KANSL1L: variants seen among roughly 807,000 people sequenced by gnomAD.
KANSL1L encodes the protein KAT8 regulatory NSL complex subunit 1-like protein.
A neutral mutation model predicts 108.6 loss-of-function variants in KANSL1L; 25 were observed. The ratio of observed to expected loss-of-function variants is 0.23; its 90% CI spans 0.17 to 0.32. The LOEUF (loss-of-function observed/expected upper bound fraction) is 0.32, where lower values mean the gene tolerates loss of function less well. KANSL1L is among the 10% of genes least tolerant of loss of function. The probability of loss-of-function intolerance (pLI) is 1.00; values close to 1 mark genes in which losing one functional copy is unlikely to be tolerated. For synonymous variants in KANSL1L, 405 were observed against 395.1 expected, an observed-to-expected ratio of 1.03 and a Z score of -0.30; for missense variants, 1,137 against 1,125.7, an observed-to-expected ratio of 1.01 and a Z score of -0.14.
chr2:210,116,944 C>T (rs959589690), intron 3 of KANSL1L, among the ~76,000 whole-genome samples: 14 of 152,214 alleles, frequency 9.2e-5, no homozygotes, highest in East Asian at 3.9e-4. Context: ...ACCTTTCAGA[C>T]GCAGAACTGA....
intron 12 of KANSL1L, among the ~76,000 whole-genome samples, 194 bp from the exon 13 acceptor site, chr2:210,025,410 G>T (rs2093922738): frequency 6.6e-6 from 1 of 152,150 alleles, no homozygotes; most frequent in Non-Finnish European, 1.5e-5. Context: ...ACAAAAATTA[G>T]CTGGGCATGG....
intron 3 of KANSL1L, among the ~76,000 whole-genome samples, chr2:210,115,636 A>T (rs2094946650): frequency 6.6e-6 from 1 of 152,220 alleles, no homozygotes. Context: ...TGCACAGATG[A>T]CCTTACTGAC....
chr2:210,075,732 C>T lies in KANSL1L; in HGVS notation c.1575G>A (p.Leu525=), dbSNP rs1464490910. The T allele has an allele frequency of 3.1e-6, 5 of 1,613,840 alleles. No homozygotes were observed. The highest frequency in any genetic ancestry group is 4.2e-6 in the Non-Finnish European group (5 of 1,179,774). Reference sequence around the variant, plus strand: ...TAAGTAACCAGCTACTGGAGGAAGACAGCTCATCTAAATTCTCTGATGCAC... The same window carrying T: ...TAAGTAACCAGCTACTGGAGGAAGATAGCTCATCTAAATTCTCTGATGCAC... ...YRSASENLDE[L]SSSSSWLLNQ... Residue 525 remains leucine, a synonymous_variant, in exon 6 of 15, where the codon CTG becomes CTA. Coordinates refer to ENST00000281772, the MANE Select transcript of KANSL1L (RefSeq NM_152519.4).
chr2:210,034,431 C>T (rs568337731), intron 8 of KANSL1L, among the ~76,000 whole-genome samples: 1 of 152,198 alleles, frequency 6.6e-6, no homozygotes, highest in South Asian at 2.1e-4. Context: ...GGGAACTGAA[C>T]AGCTATGTAC....
At chr2:210,037,503 C>T (rs1490481582) in intron 8 of KANSL1L, among the ~76,000 whole-genome samples, 1 of 152,076 alleles carries the variant, frequency 6.6e-6, no homozygotes, top group Non-Finnish European at 1.5e-5. Flanking sequence ...TAGGCTTTTC[C>T]CCCTAAGCAT....
chr2:210,084,931 G>T (rs930728733), intron 5 of KANSL1L, among the ~76,000 whole-genome samples: 1 of 151,946 alleles, frequency 6.6e-6, no homozygotes, highest in African/African-American at 2.4e-5. Flanking sequence ...CTTTTATTAG[G>T]ATGTCTAATA....
intron 2 of KANSL1L, chr2:210,151,834 T>C (rs2095306048): frequency 6.6e-6 from 1 of 152,204 alleles, no homozygotes; most frequent in Non-Finnish European, 1.5e-5. Context: ...ATCAGAACAC[T>C]AGAAGACCCG....
intron 3 of KANSL1L, among the ~76,000 whole-genome samples, chr2:210,112,473 A>C (rs1169198253): frequency 2.0e-5 from 3 of 152,204 alleles, no homozygotes; most frequent in Non-Finnish European, 4.4e-5. Context: ...AATAACTGTC[A>C]AACTAGAATT....
chr2:210,090,800 T>A (rs1037696607), intron 5 of KANSL1L, among the ~76,000 whole-genome samples: 15 of 152,330 alleles, frequency 9.8e-5, no homozygotes, highest in Admixed American at 8.5e-4. Flanking sequence ...CCCAAAGTCT[T>A]GGGATTACAG....
intron 1 of KANSL1L, chr2:210,155,402 ACT>A (rs936458993): frequency 5.3e-5 from 8 of 152,180 alleles, no homozygotes; most frequent in Non-Finnish European, 1.2e-4. Flanking sequence ...ACAGAGTAAG[ACT>A]CTGTCTCAAA....
intron 8 of KANSL1L, among the ~76,000 whole-genome samples, chr2:210,031,824 G>A (rs1174518644): frequency 6.6e-6 from 1 of 152,144 alleles, no homozygotes; most frequent in African/African-American, 2.4e-5. Flanking sequence ...GATTGGCTCA[G>A]ATATATAAAT....
At position 210,129,105 on chromosome 2, in the gene KANSL1L, G is replaced by T; in HGVS notation, c.1156C>A (p.Gln386Lys). ...ARVGSRWTWLQAQISDLECKI... is the reference protein window; with the variant it reads ...ARVGSRWTWLKAQISDLECKI... ...CATTCTAGGTCTGAAATCTGAGCTT[G>T]AAGCCAAGTCCATCGGCTGCCAACT... The change falls in exon 3 of 15, where the codon CAA (glutamine) becomes AAA (lysine). Residue 386 changes from glutamine (Q) to lysine (K), a missense_variant. By Grantham distance (53) the Gln-to-Lys change is moderately conservative. Around this residue, in one of 3 missense-constraint regions of KANSL1L, gnomAD observed 556 missense variants for 537.7 expected, o/e 1.03. Coordinates refer to ENST00000281772, the MANE Select transcript of KANSL1L (RefSeq NM_152519.4). 6.2e-7 allele frequency: 1 copy of T among 1,613,970 alleles called. No individual in the cohort carries two copies. The highest frequency in any genetic ancestry group is 8.5e-7 in the Non-Finnish European group (1 of 1,179,870).
chr2:210,123,225 T>C (rs977085231), intron 3 of KANSL1L, among the ~76,000 whole-genome samples: 1 of 152,182 alleles, frequency 6.6e-6, no homozygotes, highest in Admixed American at 6.5e-5. Context: ...AACAGGTATC[T>C]GCACCCTTAT....
At chr2:210,148,580 G>A (rs2095281458) in intron 2 of KANSL1L, among the ~76,000 whole-genome samples, 1 of 152,064 alleles carries the variant, frequency 6.6e-6, no homozygotes. Flanking sequence ...CTTTCCAAAG[G>A]AAAAGTGACT....
chr2:210,142,081 C>T (rs1013392940), intron 2 of KANSL1L, among the ~76,000 whole-genome samples: 5 of 151,432 alleles, frequency 3.3e-5, no homozygotes, highest in Admixed American at 2.6e-4. Flanking sequence ...AAAGTATTCC[C>T]TCCTCCTCTT....
chr2:210,026,902 C>G (rs899744649), intron 12 of KANSL1L, among the ~76,000 whole-genome samples: 1 of 152,128 alleles, frequency 6.6e-6, no homozygotes, highest in Non-Finnish European at 1.5e-5. Flanking sequence ...TCCCAAGTAG[C>G]TGGGACTACA....
At chr2:210,156,415 A>C (rs754749593) in intron 1 of KANSL1L, among the ~76,000 whole-genome samples, 42 of 152,156 alleles carry the variant, frequency 2.8e-4, no homozygotes, top group Admixed American at 7.2e-4. Context: ...CATCCTTTCA[A>C]AACAATCTAG....
intron 7 of KANSL1L, among the ~76,000 whole-genome samples, chr2:210,042,436 C>T (rs1575402231): frequency 1.3e-5 from 2 of 152,190 alleles, no homozygotes; most frequent in African/African-American, 2.4e-5. Context: ...TATACCAGCT[C>T]TCAGGGTTAT....
At chr2:210,068,172 G>A (rs990654667) in intron 6 of KANSL1L, among the ~76,000 whole-genome samples, 5 of 152,212 alleles carry the variant, frequency 3.3e-5, no homozygotes, top group Non-Finnish European at 5.9e-5. Context: ...CACCGCGCCC[G>A]GCTGCATATT....
Sources: gnomAD v4.1 joint callset for allele counts (sites outside exome capture counted in the v4.1 genomes callset) on GRCh38, gnomAD v4.1.1 for gene constraint, gnomAD v4.1.1 regional missense constraint, MANE v1.5 for transcripts, NCBI Gene and HGNC (gene_info 2026-07-23, HGNC 2026-07-21) for gene names.